The following ITPR1 variants were observed in gnomAD, a reference collection of about 807,000 sequenced individuals.
The protein encoded by ITPR1 is inositol 1,4,5-trisphosphate receptor type 1.
A neutral mutation model predicts 318.4 loss-of-function variants in ITPR1; 96 were observed. The observed-to-expected ratio is 0.30, with a 90% CI of 0.26 to 0.36. The LOEUF is 0.36. Among genes scored for constraint, ITPR1 ranks in the 10% least tolerant of loss-of-function variants. The pLI is 1.00. For missense variants in ITPR1, 2,440 were observed against 3,460.2 expected, an observed-to-expected ratio of 0.71 and a Z score of 7.40; for synonymous variants, 1,312 against 1,289.9, an observed-to-expected ratio of 1.02 and a Z score of -0.37.
At chr3:4,776,574 A>G (rs1208080493) in intron 47 of ITPR1, among the ~76,000 whole-genome samples, 2 of 152,180 alleles carry the variant, frequency 1.3e-5, no homozygotes, top group Non-Finnish European at 2.9e-5. Flanking sequence ...TGTGAATGTG[A>G]GAATAGCATT....
intron 4 of ITPR1, among the ~76,000 whole-genome samples, chr3:4,589,484 C>G (rs1302075871): frequency 6.6e-6 from 1 of 152,152 alleles, no homozygotes; most frequent in African/African-American, 2.4e-5. Context: ...CCCCCTGAAT[C>G]ATAACATGCA....
intron 4 of ITPR1, among the ~76,000 whole-genome samples, chr3:4,529,053 T>C (rs996531862): frequency 3.3e-5 from 5 of 152,158 alleles, no homozygotes; most frequent in Non-Finnish European, 5.9e-5. Context: ...CCTCACTGGA[T>C]TGCTGCCTAC....
In ITPR1 at chr3:4,674,363, T is replaced by A; in HGVS notation, c.2598+20T>A. Reference sequence around the variant, plus strand: ...TTTGAGGTAACTCATGATGAAATCTTCTATGTGTATTATCTGCCTCTCAGT... The same window carrying A: ...TTTGAGGTAACTCATGATGAAATCTACTATGTGTATTATCTGCCTCTCAGT... On this transcript the variant is annotated intron_variant, in intron 22 of 61. Coordinates refer to ENST00000649015, the MANE Select transcript of ITPR1 (RefSeq NM_001378452.1). 1 of 1,593,782 alleles carries A rather than the reference T, an allele frequency of 6.3e-7. No homozygotes were observed. Among genetic ancestry groups the A allele is most frequent in the Non-Finnish European group, 8.5e-7 (1 of 1,169,858 alleles).
intron 60 of ITPR1, among the ~76,000 whole-genome samples, chr3:4,832,281 A>T (rs1435734515): frequency 6.6e-6 from 1 of 152,234 alleles, no homozygotes; most frequent in Non-Finnish European, 1.5e-5. Flanking sequence ...TCCTTTTGCT[A>T]TCTTTGCATT....
intron 44 of ITPR1, among the ~76,000 whole-genome samples, chr3:4,746,266 T>C (rs1553724285): frequency 6.6e-6 from 1 of 152,190 alleles, no homozygotes; most frequent in Non-Finnish European, 1.5e-5. Flanking sequence ...CACTACCTGC[T>C]TCCCCATCTG....
chr3:4,743,463 T>C (rs1241951510), intron 44 of ITPR1, among the ~76,000 whole-genome samples: 1 of 152,220 alleles, frequency 6.6e-6, no homozygotes, highest in Non-Finnish European at 1.5e-5. Context: ...TGCATGCACC[T>C]ACTGGCATTC....
chr3:4,738,039 C>T (rs1027701462), intron 44 of ITPR1, among the ~76,000 whole-genome samples: 18 of 152,014 alleles, frequency 1.2e-4, no homozygotes, highest in African/African-American at 2.9e-4. Context: ...ATAGGGGGAA[C>T]GACGCCCACT....
At chr3:4,689,225 A>C (rs1263436398) in intron 31 of ITPR1, among the ~76,000 whole-genome samples, 1 of 152,204 alleles carries the variant, frequency 6.6e-6, no homozygotes, top group Non-Finnish European at 1.5e-5. Context: ...GTAACTTTTA[A>C]AAAAACATTC....
intron 4 of ITPR1, among the ~76,000 whole-genome samples, chr3:4,583,667 C>T (rs568203073): frequency 7.2e-5 from 11 of 152,252 alleles, no homozygotes; most frequent in Admixed American, 6.5e-4. Flanking sequence ...GGTAAAGCTG[C>T]GGGGTTCGTT....
At chr3:4,616,704 T>C (rs1176871324) in intron 4 of ITPR1, among the ~76,000 whole-genome samples, 2 of 152,318 alleles carry the variant, frequency 1.3e-5, no homozygotes, top group African/African-American at 4.8e-5. Flanking sequence ...GTTTAATTGC[T>C]GCAACTCCAG....
intron 4 of ITPR1, among the ~76,000 whole-genome samples, chr3:4,523,077 A>G (rs2082688100): frequency 1.3e-5 from 2 of 152,194 alleles, no homozygotes; most frequent in African/African-American, 4.8e-5. Context: ...CTAGGCTAAT[A>G]AAACTTGAAC....
chr3:4,778,651 A>G (rs893795461), intron 48 of ITPR1, among the ~76,000 whole-genome samples: 3 of 152,180 alleles, frequency 2.0e-5, no homozygotes, highest in African/African-American at 7.2e-5. Context: ...CCTGGCCACC[A>G]TTTATCAGAA....
intron 4 of ITPR1, among the ~76,000 whole-genome samples, chr3:4,541,837 G>T (rs2084488413): frequency 6.6e-6 from 1 of 152,084 alleles, no homozygotes; most frequent in South Asian, 2.1e-4. Context: ...TGTTGGCCAG[G>T]ATAGTCTCAA....
chr3:4,675,354 C>T (rs1193677645), intron 23 of ITPR1, 106 bp downstream of exon 23: 4 of 777,972 alleles, frequency 5.1e-6, no homozygotes, highest in Non-Finnish European at 8.0e-6. Context: ...TTTGTTCATT[C>T]CTTCCCAACT....
chr3:4,685,679 C>G (rs542784614), intron 30 of ITPR1, among the ~76,000 whole-genome samples: 8 of 152,348 alleles, frequency 5.3e-5, no homozygotes, highest in African/African-American at 1.7e-4. Flanking sequence ...ATGCTTTGAT[C>G]TAGGTCTTCT....
At chr3:4,547,552 A>T (rs1224555287) in intron 4 of ITPR1, among the ~76,000 whole-genome samples, 4 of 152,208 alleles carry the variant, frequency 2.6e-5, no homozygotes, top group African/African-American at 9.7e-5. Context: ...TGACAATATG[A>T]AAGACTCTGT....
chr3:4,794,000 G>T (rs990326541), intron 52 of ITPR1, among the ~76,000 whole-genome samples: 4 of 152,208 alleles, frequency 2.6e-5, no homozygotes, highest in African/African-American at 9.6e-5. Context: ...ATTGGCTGCT[G>T]TCGCAAAGTT....
intron 46 of ITPR1, among the ~76,000 whole-genome samples, chr3:4,774,910 C>G (rs1397989119): frequency 1.3e-5 from 2 of 152,194 alleles, no homozygotes; most frequent in Admixed American, 6.5e-5. Flanking sequence ...AACTCAACAC[C>G]TGATGGAAGC....
intron 4 of ITPR1, among the ~76,000 whole-genome samples, chr3:4,550,281 A>G (rs1206847218): frequency 6.6e-6 from 1 of 152,038 alleles, no homozygotes; most frequent in Non-Finnish European, 1.5e-5. Flanking sequence ...AAGCTTCCCC[A>G]TCTCACAGCA....
Sources: gnomAD v4.1 joint callset for allele counts (sites outside exome capture counted in the v4.1 genomes callset) on GRCh38, gnomAD v4.1.1 for gene constraint, MANE v1.5 for transcripts, NCBI Gene and HGNC (gene_info 2026-07-23, HGNC 2026-07-21) for gene names.